Variants in ATN1 observed in about 807,000 individuals in gnomAD.
ATN1 encodes the protein atrophin-1.
ATN1 carries 19 observed loss-of-function variants against 85.8 expected under a neutral mutation model. The observed-to-expected ratio is 0.22, with a 90% CI of 0.15 to 0.32. ATN1 has a LOEUF of 0.32. Among genes scored for constraint, ATN1 ranks in the 10% least tolerant of loss-of-function variants. The probability of loss-of-function intolerance (pLI) is 1.00; values close to 1 mark genes in which losing one functional copy is unlikely to be tolerated. For missense variants in ATN1, 1,453 were observed against 1,564.5 expected (o/e 0.93, Z 1.20); for synonymous variants, 674 against 657.0 (o/e 1.03, Z -0.39).
In ATN1 at chr12:6,938,863, G is replaced by T; in HGVS notation, c.2900G>T (p.Gly967Val). 6.2e-7 allele frequency: 1 copy of T among 1,614,134 alleles called. No individual in the cohort carries two copies. Among genetic ancestry groups the T allele is most frequent in the Non-Finnish European group, 8.5e-7 (1 of 1,180,022 alleles). Residue 967 changes from glycine to valine, a missense_variant, in exon 7 of 10, where the codon GGC becomes GTC. By Grantham distance (109) the Gly-to-Val change is moderately radical. Coordinates refer to ENST00000396684, the MANE Select transcript of ATN1 (RefSeq NM_001940.4). ...LEPLHGVPGPGLDPFPRHGGL... is the reference protein window; with the variant it reads ...LEPLHGVPGPVLDPFPRHGGL... ...CCCCTACATGGGGTCCCTGGGCCGG[G>T]CTTGGATCCCTTTCCCCGACATGGG... is the stretch of plus-strand genomic sequence containing the variant.
intron 1 of ATN1, among the ~76,000 whole-genome samples, chr12:6,932,602 CTG>C (rs1412998841): frequency 2.0e-5 from 3 of 152,110 alleles, no homozygotes; most frequent in African/African-American, 2.4e-5. Flanking sequence ...CTGTGAGAAA[CTG>C]TGTAACCCAG....
In ATN1 at chr12:6,936,753, CA is replaced by C. The variant is rs1565566766; in HGVS notation, c.1487del (p.Gln496ArgfsTer44). ...QQQQQQQQQQ[Q>X]QQQQQQHHGN... ...ACAGCAGCAGCAGCAGCAGCAGCAGCAGCAGCAGCAGCAGCAGCAGCATCAC... is the reference window on the plus strand; with the variant it reads ...ACAGCAGCAGCAGCAGCAGCAGCAGCGCAGCAGCAGCAGCAGCAGCATCAC... On this transcript the variant is annotated frameshift_variant, in exon 5 of 10. Coordinates refer to ENST00000396684, the MANE Select transcript of ATN1 (RefSeq NM_001940.4). LOFTEE classifies it high-confidence loss of function. 2 of 1,596,144 alleles carry C rather than the reference CA, an allele frequency of 1.3e-6. No homozygotes were observed. Among genetic ancestry groups the C allele is most frequent in the East Asian group, 2.3e-5 (1 of 44,022 alleles).
At position 6,938,661 on chromosome 12, in the gene ATN1, C is replaced by T; in HGVS notation, c.2698C>T (p.Arg900Cys). The change falls in exon 7 of 10, where the codon CGC becomes TGC. Residue 900 changes from arginine (R) to cysteine (C), a missense_variant. Physicochemically the swap from Arg to Cys is radical, Grantham distance 180. This residue lies in a region of ATN1 where 208 missense variants were observed against 263.4 expected (regional missense o/e 0.79). Transcript: ENST00000396684. ...ARPHVMSPGN[R>C]NHPFYVPLGA... ...GCCTCATGTCATGTCTCCTGGCAAT[C>T]GCAACCATCCATTCTACGTGCCCCT... 6 of 1,614,242 alleles carry T rather than the reference C, an allele frequency of 3.7e-6. No individual in the cohort carries two copies. Among genetic ancestry groups the T allele is most frequent in the Middle Eastern group, 1.6e-4 (1 of 6,062 alleles).
At position 6,935,962 on chromosome 12, in the gene ATN1, C is replaced by T; in HGVS notation, c.695C>T (p.Pro232Leu). 1 of 1,591,314 alleles carries T rather than the reference C, an allele frequency of 6.3e-7. No individual in the cohort carries two copies. The highest frequency in any genetic ancestry group is 8.6e-7 in the Non-Finnish European group (1 of 1,167,630). Residue 232 changes from proline (P) to leucine (L), a missense_variant, in exon 5 of 10, where the codon CCA becomes CTA. This residue lies in a region of ATN1 where 990 missense variants were observed against 914.8 expected (regional missense o/e 1.08). Coordinates refer to ENST00000396684, the MANE Select transcript of ATN1 (RefSeq NM_001940.4). This position sits in a 1 kb window ranked among gnomAD's most constrained non-coding sequence, Gnocchi z 5.3. ...ACTGGTGGAGTTTTGTCTGGACCCCCAATGGGTCCCAAGGGGGGAGGGGCT... is the reference window on the plus strand; with the variant it reads ...ACTGGTGGAGTTTTGTCTGGACCCCTAATGGGTCCCAAGGGGGGAGGGGCT... ...GGTGGVLSGP[P>L]MGPKGGGAAS...
At position 6,928,214 on chromosome 12, in the gene ATN1, G is replaced by T. The variant is rs1420134221; in HGVS notation, c.-333G>T. 1.4e-5 allele frequency: 2 copies of T among 148,002 alleles called. No homozygotes were observed. Among genetic ancestry groups the T allele is most frequent in the Admixed American group, 1.3e-4 (2 of 15,022 alleles). 9.2% of individuals were successfully genotyped at this position (148,002 alleles called of 1,614,324 possible). On this transcript the variant is annotated 5_prime_UTR_variant, in exon 1 of 10. Coordinates refer to ENST00000396684, the MANE Select transcript of ATN1 (RefSeq NM_001940.4). ...GATTGGGGCCAGGCGGGGAAAAGGG[G>T]GGATGGGGGCCGCCCTCCGGGGGGG...
At chr12:6,925,484 C>A (rs1945391064), upstream of ATN1, among the ~76,000 whole-genome samples, 1 of 151,950 alleles carries the variant, frequency 6.6e-6, no homozygotes, top group African/African-American at 2.4e-5. Flanking sequence ...GGAGGAGCAG[C>A]AGCTACCCTA....
At chr12:6,931,974 G>GC (rs1281666992) in intron 1 of ATN1, among the ~76,000 whole-genome samples, 2 of 138,140 alleles carry the variant, frequency 1.4e-5, no homozygotes, top group Non-Finnish European at 3.0e-5. Flanking sequence ...GGCAGAGGTT[G>GC]CAGTGAGTGA....
chr12:6,937,028 C>T lies in ATN1; in HGVS notation c.1761C>T (p.His587=), dbSNP rs891475644. The T allele has an allele frequency of 2.5e-5, 41 of 1,613,752 alleles. No homozygotes were observed. Among genetic ancestry groups the T allele is most frequent in the Non-Finnish European group, 3.1e-5 (36 of 1,179,934 alleles). The change falls in exon 5 of 10, where the codon CAC becomes CAT. Residue 587 remains histidine (H), a synonymous_variant. Coordinates refer to ENST00000396684, the MANE Select transcript of ATN1 (RefSeq NM_001940.4). The surrounding 1 kb of genome is among the most constrained non-coding windows in gnomAD (Gnocchi z 6.0). ...STSQGSYPCS[H]PSPSQGPQGA... ...CTCAAGGGTCCTACCCATGTTCACA[C>T]CCCTCCCCTTCCCAGGGCCCTCAAG...
rs113215995 is a variant in ATN1 at position 6,941,634 on chromosome 12, C to T, written c.3539+80C>T. ...CTGTGGGCATGGTACGGCTGGGCAC[C>T]GTGCTCCTGGGGGAGGGAACCCCTC... On this transcript the variant is annotated intron_variant, in intron 9 of 9. Coordinates refer to ENST00000396684, the MANE Select transcript of ATN1 (RefSeq NM_001940.4). The surrounding 1 kb of genome is among the most constrained non-coding windows in gnomAD (Gnocchi z 5.9). 6.8e-5 allele frequency: 108 copies of T among 1,597,954 alleles called. No homozygotes were observed. The highest frequency in any genetic ancestry group is 5.0e-4 in the Middle Eastern group (3 of 6,038).
At position 6,928,044 on chromosome 12, in the gene ATN1, A is replaced by T. The variant is rs1362998032; in HGVS notation, c.-503A>T. Among the ~76,000 whole-genome samples the T allele has an allele frequency of 1.7e-5, 2 of 115,408 alleles. No homozygotes were observed. Among genetic ancestry groups the T allele is most frequent in the Non-Finnish European group, 3.6e-5 (2 of 54,948 alleles). The allele number at this position is 115,408 out of a possible 152,430, so 75.7% of individuals were successfully genotyped here. On this transcript the variant is annotated 5_prime_UTR_variant, in exon 1 of 10. Transcript: ENST00000396684. The stretch of plus-strand genomic sequence containing the variant: ...GCGGCGGCGGGTCGGAACCGCGCCG[A>T]GGGCCGGGCGGGCCGCGGGGCCGGG...
At chr12:6,925,117 C>CGT (rs376981297), upstream of ATN1, among the ~76,000 whole-genome samples, 12,855 of 143,712 alleles carry the variant, frequency 0.089, 598 homozygotes, top group Admixed American at 0.14. Flanking sequence ...TGTGCGTGTG[C>CGT]GTGTGTGTGT....
In ATN1 at chr12:6,936,914, G is replaced by C; in HGVS notation, c.1647G>C (p.Leu549=). The C allele has an allele frequency of 6.2e-7, 1 of 1,613,944 alleles. No individual in the cohort carries two copies. Among genetic ancestry groups the C allele is most frequent in the Non-Finnish European group, 8.5e-7 (1 of 1,179,962 alleles). The change falls in exon 5 of 10, where the codon CTG becomes CTC. Residue 549 remains leucine, a synonymous_variant. Transcript: ENST00000396684. ...CCTACCCACCAGGGCCAGCACACCT[G>C]CCCCCACCTCACAGCCAGGTGTCCT... ...LRPYPPGPAH[L]PPPHSQVSYS... is the part of the protein sequence containing the mutation.
At position 6,942,110 on chromosome 12, in the gene ATN1, T is replaced by G. The variant is rs1945645260; in HGVS notation, c.*330T>G. 7.1e-6 allele frequency: 3 copies of G among 422,898 alleles called. No individual in the cohort carries two copies. The allele number at this position is 422,898 out of a possible 1,614,324, so 26.2% of individuals were successfully genotyped here. A position where few individuals can be genotyped will look rare whatever the true frequency, so the allele number is the denominator to read the frequency against. ...CCCTCCCCTGCCCCGTTGGTGTGAT[T>G]ATTTCATCTGTTAGATGTGGCTGTT... On this transcript the variant is annotated 3_prime_UTR_variant, in exon 10 of 10. Coordinates refer to ENST00000396684, the MANE Select transcript of ATN1 (RefSeq NM_001940.4).
intron 1 of ATN1, among the ~76,000 whole-genome samples, chr12:6,931,420 A>AG (rs1394858879): frequency 6.7e-6 from 1 of 149,910 alleles, no homozygotes; most frequent in African/African-American, 2.4e-5. Context: ...AAAAAAAAAA[A>AG]AAAAAAAAAA....
intron 7 of ATN1, among the ~76,000 whole-genome samples, chr12:6,939,647 G>A (rs1040553963): frequency 6.6e-6 from 1 of 152,108 alleles, no homozygotes; most frequent in South Asian, 2.1e-4. Flanking sequence ...GATTACAGGC[G>A]TGTGTCACCA....
At chr12:6,929,053 C>G (rs1329617386) in intron 1 of ATN1, among the ~76,000 whole-genome samples, 2 of 152,156 alleles carry the variant, frequency 1.3e-5, no homozygotes, top group Non-Finnish European at 2.9e-5. Flanking sequence ...TCCCCTACTG[C>G]AGGTCACCTC....
rs1565568787 is a variant in ATN1 at position 6,938,755 on chromosome 12, G to A, written c.2792G>A (p.Arg931Gln). 2 of 1,613,900 alleles carry A rather than the reference G, an allele frequency of 1.2e-6. No homozygotes were observed. The highest frequency in any genetic ancestry group is 1.7e-6 in the Non-Finnish European group (2 of 1,180,040). Reference protein sequence around the residue: ...PALYSSDPAAREREREARERD... With the variant: ...PALYSSDPAAQEREREARERD... Reference sequence around the variant, plus strand: ...CTGTACAGCAGTGATCCAGCTGCCCGGGAGAGGGAACGGGAAGCCCGTGAA... The same window carrying A: ...CTGTACAGCAGTGATCCAGCTGCCCAGGAGAGGGAACGGGAAGCCCGTGAA... The change falls in exon 7 of 10, where the codon CGG becomes CAG. Residue 931 changes from arginine (R) to glutamine (Q), a missense_variant. Arg to Gln is a conservative substitution (Grantham distance 43). Transcript: ENST00000396684.
At position 6,941,064 on chromosome 12, in the gene ATN1, G is replaced by C. The variant is rs782694114; in HGVS notation, c.3358+41G>C. ...GGGGTAGGCAGCTCCAATGAGAAAAGGGCAGAAAGGAGGTATTTGGGTGGG... is the reference window on the plus strand; with the variant it reads ...GGGGTAGGCAGCTCCAATGAGAAAACGGCAGAAAGGAGGTATTTGGGTGGG... On this transcript the variant is annotated intron_variant, in intron 8 of 9. Coordinates refer to ENST00000396684, the MANE Select transcript of ATN1 (RefSeq NM_001940.4). The surrounding 1 kb of genome is among the most constrained non-coding windows in gnomAD (Gnocchi z 5.9). The C allele has an allele frequency of 1.9e-6, 3 of 1,609,156 alleles. No homozygotes were observed. Among genetic ancestry groups the C allele is most frequent in the Non-Finnish European group, 2.5e-6 (3 of 1,176,836 alleles).
chr12:6,929,542 G>C (rs1413833760), intron 1 of ATN1, among the ~76,000 whole-genome samples: 2 of 152,168 alleles, frequency 1.3e-5, no homozygotes, highest in African/African-American at 4.8e-5. Context: ...TGGGATGTCA[G>C]ATTGGTTGGG....
Sources: gnomAD v4.1 joint callset for allele counts (sites outside exome capture counted in the v4.1 genomes callset) on GRCh38, gnomAD v4.1.1 for gene constraint, gnomAD v4.1.1 regional missense constraint, Gnocchi (gnomAD v3.1) non-coding constraint, MANE v1.5 for transcripts, NCBI Gene and HGNC (gene_info 2026-07-23, HGNC 2026-07-21) for gene names.